Variants in CACNA2D2 observed in about 807,000 individuals in gnomAD.
CACNA2D2 encodes the protein calcium voltage-gated channel auxiliary subunit alpha2delta 2, also known as voltage-dependent calcium channel subunit alpha-2/delta-2.
A neutral mutation model predicts 166.4 loss-of-function variants in CACNA2D2; 48 were observed. The ratio of observed to expected loss-of-function variants is 0.29; its 90% confidence interval spans 0.23 to 0.37. The LOEUF (loss-of-function observed/expected upper bound fraction) is 0.37. Among genes scored for constraint, CACNA2D2 ranks in the 10% least tolerant of loss-of-function variants. The pLI is 1.00. For missense variants in CACNA2D2, 1,122 were observed against 1,433.0 expected (o/e 0.78, Z 3.50); for synonymous variants, 561 against 573.7 (o/e 0.98, Z 0.32).
chr3:50,378,427 C>T, intron 13 of CACNA2D2, 94 bp from the exon 14 acceptor site: 1 of 1,271,086 alleles, frequency 7.9e-7, no homozygotes, highest in East Asian at 2.5e-5. Flanking sequence ...GCAGCCCTGC[C>T]TCGCCTCTTG....
intron 1 of CACNA2D2, among the ~76,000 whole-genome samples, chr3:50,498,225 T>C (rs1387045080): frequency 6.6e-6 from 1 of 152,162 alleles, no homozygotes; most frequent in Non-Finnish European, 1.5e-5. Context: ...AGCTGCCCCT[T>C]GGAGAGTTCC....
rs1704255414 is a variant in CACNA2D2 at position 50,366,026 on chromosome 3, G to C, written c.2847C>G (p.Pro949=). ...PQPPGNLGAA[P]RGVFVPTVAD... ...GGGGACTCACCACAAAGACACCCCGGGGTGCAGCACCCAGGTTGCCAGGGG... is the reference window on the plus strand; with the variant it reads ...GGGGACTCACCACAAAGACACCCCGCGGTGCAGCACCCAGGTTGCCAGGGG... Residue 949 remains proline (P), a synonymous_variant, in exon 32 of 38, where the codon CCC becomes CCG. Transcript: ENST00000424201. This position sits in a 1 kb window ranked among gnomAD's most constrained non-coding sequence, Gnocchi z 5.9. 3 of 1,612,936 alleles carry C rather than the reference G, an allele frequency of 1.9e-6. No homozygotes were observed. The highest frequency in any genetic ancestry group is 2.5e-6 in the Non-Finnish European group (3 of 1,179,720).
intron 1 of CACNA2D2, among the ~76,000 whole-genome samples, chr3:50,498,892 GC>G (rs934430602): frequency 6.6e-6 from 1 of 152,222 alleles, no homozygotes; most frequent in Non-Finnish European, 1.5e-5. Flanking sequence ...CCTTTCCCCT[GC>G]CCTGCCTCTC....
chr3:50,385,085 C>T (rs746330295), intron 5 of CACNA2D2, among the ~76,000 whole-genome samples: 12 of 152,064 alleles, frequency 7.9e-5, no homozygotes, highest in Non-Finnish European at 1.2e-4. Flanking sequence ...ATGCACCGTG[C>T]GCCCCCGCCC....
At chr3:50,441,121 CA>C (rs1708573503) in intron 2 of CACNA2D2, among the ~76,000 whole-genome samples, 1 of 151,848 alleles carries the variant, frequency 6.6e-6, no homozygotes, top group Admixed American at 6.6e-5. Flanking sequence ...GTGGTGGGGA[CA>C]GGGGGATCCT....
At chr3:50,456,267 G>C (rs1447486191) in intron 2 of CACNA2D2, among the ~76,000 whole-genome samples, 1 of 152,208 alleles carries the variant, frequency 6.6e-6, no homozygotes, top group African/African-American at 2.4e-5. Context: ...CCTGAGTTCT[G>C]GTTGGCTCCC....
At chr3:50,461,710 G>A (rs565133479) in intron 2 of CACNA2D2, among the ~76,000 whole-genome samples, 3 of 143,804 alleles carry the variant, frequency 2.1e-5, no homozygotes, top group South Asian at 2.2e-4. Context: ...GCGGTGAGCC[G>A]AGATCATGCC....
Position 50,365,247 on chromosome 3 carries a change from C to A in CACNA2D2, c.3099-63G>T, listed in dbSNP as rs1402207802. 3.6e-5 allele frequency: 49 copies of A among 1,380,170 alleles called. No homozygotes were observed. Among genetic ancestry groups the A allele is most frequent in the Non-Finnish European group, 4.7e-5 (47 of 996,750 alleles). 85.5% of individuals were successfully genotyped at this position (1,380,170 alleles called of 1,614,324 possible). A position where few individuals can be genotyped will look rare whatever the true frequency, so the allele number is the denominator to read the frequency against. ...CCCGCCCTGACCCACCCCCATCCTGCGGCCCCGCCCCCGGCCGCTCGGAGG... is the reference window on the plus strand; with the variant it reads ...CCCGCCCTGACCCACCCCCATCCTGAGGCCCCGCCCCCGGCCGCTCGGAGG... On this transcript the variant is annotated intron_variant, in intron 35 of 37. Transcript: ENST00000424201. This position sits in a 1 kb window ranked among gnomAD's most constrained non-coding sequence, Gnocchi z 4.5.
Position 50,462,387 on chromosome 3 carries a change from AAATAATAATAAT to A in CACNA2D2, c.288+13719_288+13730del, listed in dbSNP as rs55797246. On this transcript the variant is annotated intron_variant, in intron 2 of 37. Coordinates refer to ENST00000424201, the MANE Select transcript of CACNA2D2 (RefSeq NM_006030.4). ...TGGGTGGCAGAGCAAGACTGTCTCAAAATAATAATAATAATAATAATAATAATAATAATAATA... is the reference window on the plus strand; with the variant it reads ...TGGGTGGCAGAGCAAGACTGTCTCAAAATAATAATAATAATAATAATAATA... Among the ~76,000 whole-genome samples, 268 of 137,600 alleles carry A rather than the reference AAATAATAATAAT, an allele frequency of 1.9e-3. 2 individuals are homozygous for A. Among genetic ancestry groups the A allele is most frequent in the African/African-American group, 5.5e-3 (199 of 36,114 alleles). The allele number at this position is 137,600 out of a possible 152,430, so 90.3% of individuals were successfully genotyped here. A position where few individuals can be genotyped will look rare whatever the true frequency, so the allele number is the denominator to read the frequency against.
In CACNA2D2 at chr3:50,379,602, G is replaced by T. The variant is rs587705927; in HGVS notation, c.994-12C>A. 1 of 1,613,676 alleles carries T rather than the reference G, an allele frequency of 6.2e-7. No homozygotes were observed. Among genetic ancestry groups the T allele is most frequent in the South Asian group, 1.1e-5 (1 of 91,082 alleles). ...GCCTTCTCGTTGAACTGCAGGAACAGTAGGGTGGTGAGTGGCCTCAGGCTG... is the reference window on the plus strand; with the variant it reads ...GCCTTCTCGTTGAACTGCAGGAACATTAGGGTGGTGAGTGGCCTCAGGCTG... On this transcript the variant is annotated splice_polypyrimidine_tract_variant and intron_variant, in intron 10 of 37. Coordinates refer to ENST00000424201, the MANE Select transcript of CACNA2D2 (RefSeq NM_006030.4). The surrounding 1 kb of genome is among the most constrained non-coding windows in gnomAD (Gnocchi z 6.5).
chr3:50,446,923 C>T (rs777762802), intron 2 of CACNA2D2, among the ~76,000 whole-genome samples: 2 of 152,158 alleles, frequency 1.3e-5, no homozygotes, highest in Non-Finnish European at 2.9e-5. Context: ...GGACCCTAGG[C>T]TACAGGTGCA....
chr3:50,499,382 C>T (rs1036836063), intron 1 of CACNA2D2, among the ~76,000 whole-genome samples: 3 of 152,218 alleles, frequency 2.0e-5, no homozygotes, highest in Non-Finnish European at 4.4e-5. Flanking sequence ...GGGCTTAATG[C>T]TAATGTTAAC....
intron 2 of CACNA2D2, among the ~76,000 whole-genome samples, chr3:50,451,680 G>A (rs1022671429): frequency 6.6e-6 from 1 of 152,132 alleles, no homozygotes; most frequent in Non-Finnish European, 1.5e-5. Context: ...CCTCAAACCT[G>A]GCTGCCAGGG....
rs1704209114 is a variant in CACNA2D2 at position 50,365,551 on chromosome 3, T to C, written c.2972-69A>G. On this transcript the variant is annotated intron_variant, in intron 34 of 37. Coordinates refer to ENST00000424201, the MANE Select transcript of CACNA2D2 (RefSeq NM_006030.4). This position sits in a 1 kb window ranked among gnomAD's most constrained non-coding sequence, Gnocchi z 4.5. Reference sequence around the variant, plus strand: ...CAAGGTCTCCGGCCTCCCTCAGTCGTAGACCCCACCCTCCCCATGGAGTCG... The same window carrying C: ...CAAGGTCTCCGGCCTCCCTCAGTCGCAGACCCCACCCTCCCCATGGAGTCG... 1 of 1,594,030 alleles carries C rather than the reference T, an allele frequency of 6.3e-7. No homozygotes were observed.
chr3:50,463,126 T>C (rs1027859569), intron 2 of CACNA2D2, among the ~76,000 whole-genome samples: 1 of 152,142 alleles, frequency 6.6e-6, no homozygotes, highest in Non-Finnish European at 1.5e-5. Flanking sequence ...CCAGGCTCCT[T>C]AGACTGAAAC....
At chr3:50,456,549 A>G (rs1433901012) in intron 2 of CACNA2D2, among the ~76,000 whole-genome samples, 1 of 152,074 alleles carries the variant, frequency 6.6e-6, no homozygotes, top group African/African-American at 2.4e-5. Context: ...CAATTTTCCG[A>G]GAGATTGGCC....
At position 50,363,328 on chromosome 3, in the gene CACNA2D2, C is replaced by T. The variant is rs1289742970; in HGVS notation, c.*1338G>A. 2.5e-6 allele frequency: 1 copy of T among 398,680 alleles called. No homozygotes were observed. Among genetic ancestry groups the T allele is most frequent in the East Asian group, 3.6e-5 (1 of 28,066 alleles). The allele number at this position is 398,680 out of a possible 1,614,324, so 24.7% of individuals were successfully genotyped here. A position where few individuals can be genotyped will look rare whatever the true frequency, so the allele number is the denominator to read the frequency against. On this transcript the variant is annotated 3_prime_UTR_variant, in exon 38 of 38. Coordinates refer to ENST00000424201, the MANE Select transcript of CACNA2D2 (RefSeq NM_006030.4). ...AACGAAGCCATTAATTAATGCATCA[C>T]CCTCCCCCTCCTCCCAGTCCATCTG...
At chr3:50,499,889 C>G (rs1698885794) in intron 1 of CACNA2D2, among the ~76,000 whole-genome samples, 1 of 151,964 alleles carries the variant, frequency 6.6e-6, no homozygotes, top group Non-Finnish European at 1.5e-5. Context: ...AGCCAAGGGT[C>G]CCCCCAAAGT....
At chr3:50,450,798 C>T (rs1265523064) in intron 2 of CACNA2D2, among the ~76,000 whole-genome samples, 3 of 152,138 alleles carry the variant, frequency 2.0e-5, no homozygotes, top group Non-Finnish European at 4.4e-5. Flanking sequence ...ACAGTCACAT[C>T]CGCAAGACGC....
Sources: gnomAD v4.1 joint callset for allele counts (sites outside exome capture counted in the v4.1 genomes callset) on GRCh38, gnomAD v4.1.1 for gene constraint, Gnocchi (gnomAD v3.1) non-coding constraint, MANE v1.5 for transcripts, NCBI Gene and HGNC (gene_info 2026-07-23, HGNC 2026-07-21) for gene names.